Variants in ZC2HC1B observed in about 807,000 individuals in gnomAD.
ZC2HC1B encodes the protein zinc finger C2HC domain-containing protein 1B.
ZC2HC1B carries 36 observed loss-of-function variants against 31.0 expected under a neutral mutation model. The ratio of observed to expected loss-of-function variants is 1.16; its 90% CI spans 0.89 to 1.54. ZC2HC1B has a LOEUF of 1.54. Ranked by LOEUF, ZC2HC1B falls within the 40% of genes most tolerant of loss-of-function variation. ZC2HC1B has a pLI of 0.00. For synonymous variants in ZC2HC1B, 73 were observed against 88.0 expected (o/e 0.83, Z 0.95); for missense variants, 260 against 268.6 (o/e 0.97, Z 0.22).
intron 6 of ZC2HC1B, among the ~76,000 whole-genome samples, chr6:143,930,566 T>C (rs1315735411): frequency 6.6e-6 from 1 of 152,020 alleles, no homozygotes; most frequent in Non-Finnish European, 1.5e-5. Flanking sequence ...TTTTTTTATA[T>C]TTTTAGTAGA....
rs997544852 is a variant in ZC2HC1B at position 143,898,813 on chromosome 6, C to T, written c.489+122C>T. ...AAGTGTAAGCGTGAAGAGAGCTGAT[C>T]ATGATTGCTCACCCCTGTGGGAGCT... On this transcript the variant is annotated intron_variant, in intron 5 of 7. Coordinates refer to ENST00000237275, the MANE Select transcript of ZC2HC1B (RefSeq NM_001013623.3). 4.5e-4 allele frequency: 554 copies of T among 1,243,672 alleles called. 1 individual carries two copies. The highest frequency in any genetic ancestry group is 1.2e-3 in the East Asian group (48 of 38,976). The allele number at this position is 1,243,672 out of a possible 1,614,324, so 77.0% of individuals were successfully genotyped here.
chr6:143,937,771 G>T, intron 7 of ZC2HC1B, 38 bp downstream of exon 7: 2 of 1,464,890 alleles, frequency 1.4e-6, no homozygotes, highest in East Asian at 2.5e-5. Flanking sequence ...AGCTGTTGCT[G>T]ACCAGTTAAT....
intron 1 of ZC2HC1B, among the ~76,000 whole-genome samples, chr6:143,877,444 G>A (rs1360667976): frequency 6.7e-6 from 1 of 148,634 alleles, no homozygotes; most frequent in African/African-American, 2.5e-5. Context: ...CACCACGCCT[G>A]GCTAATTTTT....
intron 6 of ZC2HC1B, among the ~76,000 whole-genome samples, chr6:143,937,089 G>A (rs566324150): frequency 2.0e-5 from 3 of 152,118 alleles, no homozygotes; most frequent in Non-Finnish European, 4.4e-5. Context: ...CCCCTACGAT[G>A]TGGTCAAAAC....
chr6:143,900,564 C>T (rs1777725537), intron 5 of ZC2HC1B, among the ~76,000 whole-genome samples: 1 of 148,988 alleles, frequency 6.7e-6, no homozygotes, highest in Non-Finnish European at 1.5e-5. Flanking sequence ...TTGACAGGTC[C>T]TTGATTAACA....
chr6:143,866,987 C>T (rs577479616), intron 1 of ZC2HC1B, among the ~76,000 whole-genome samples: 2 of 152,238 alleles, frequency 1.3e-5, no homozygotes, highest in Admixed American at 1.3e-4. Flanking sequence ...ACGTTGAGTG[C>T]CAATGTGAGA....
At chr6:143,892,528 A>T (rs1294500278) in intron 4 of ZC2HC1B, among the ~76,000 whole-genome samples, 2 of 151,816 alleles carry the variant, frequency 1.3e-5, no homozygotes, top group African/African-American at 4.8e-5. Context: ...GAATTCCTGA[A>T]CTCAAGCAAT....
chr6:143,881,644 G>A (rs148512380), intron 1 of ZC2HC1B: 28 of 149,396 alleles, frequency 1.9e-4, no homozygotes, highest in Admixed American at 4.0e-4. Flanking sequence ...TTGTTTAACC[G>A]TTCACCTACT....
At chr6:143,912,051 C>A (rs1777867052) in intron 6 of ZC2HC1B, among the ~76,000 whole-genome samples, 1 of 152,086 alleles carries the variant, frequency 6.6e-6, no homozygotes, top group South Asian at 2.1e-4. Flanking sequence ...TCCACATAGT[C>A]TATTCTGCTA....
Position 143,865,886 on chromosome 6 carries a change from T to C in ZC2HC1B, c.28+1319T>C, listed in dbSNP as rs1777253901. Among the ~76,000 whole-genome samples, 1 of 152,108 alleles carries C rather than the reference T, an allele frequency of 6.6e-6. No individual in the cohort carries two copies. The highest frequency in any genetic ancestry group is 1.9e-4 in the East Asian group (1 of 5,178). On this transcript the variant is annotated intron_variant, in intron 1 of 7. Transcript: ENST00000237275. The surrounding 1 kb of genome is among the most constrained non-coding windows in gnomAD (Gnocchi z 4.4). ...GCTGGAGCGCAGTAGTGCGATCTCA[T>C]CTCACTGCAACCTCCAACTCCCGGG...
At chr6:143,937,503 C>A (rs1350724350) in intron 6 of ZC2HC1B, 146 bp from the exon 7 acceptor site, 1 of 515,242 alleles carries the variant, frequency 1.9e-6, no homozygotes, top group East Asian at 3.6e-5. Flanking sequence ...ACCCTCATTG[C>A]CCTCCCCACC....
chr6:143,867,762 T>C (rs1213918085), intron 1 of ZC2HC1B, among the ~76,000 whole-genome samples: 2 of 152,252 alleles, frequency 1.3e-5, no homozygotes, highest in African/African-American at 2.4e-5. Context: ...TTAGTCGTGA[T>C]AGCCGTCAAC....
rs1360359625 is a variant in ZC2HC1B at position 143,924,787 on chromosome 6, A to G, written c.599-12862A>G. 6.6e-6 allele frequency among the ~76,000 whole-genome samples: 1 copy of G among 152,120 alleles called. No individual in the cohort carries two copies. The highest frequency in any genetic ancestry group is 1.5e-5 in the Non-Finnish European group (1 of 68,014). ...AATGATCATATTGTTTTTGTCTTTC[A>G]TTCTGTTGTTGTGAGGTATCACATT... is the stretch of plus-strand genomic sequence containing the variant. On this transcript the variant is annotated intron_variant, in intron 6 of 7. Coordinates refer to ENST00000237275, the MANE Select transcript of ZC2HC1B (RefSeq NM_001013623.3). The surrounding 1 kb of genome is among the most constrained non-coding windows in gnomAD (Gnocchi z 5.2).
At chr6:143,877,877 G>A (rs1170337807) in intron 1 of ZC2HC1B, among the ~76,000 whole-genome samples, 1 of 150,378 alleles carries the variant, frequency 6.6e-6, no homozygotes, top group Non-Finnish European at 1.5e-5. Context: ...TGCCCTGAGG[G>A]TAAGGGTTTG....
rs1319857668 is a variant in ZC2HC1B at position 143,905,740 on chromosome 6, G to T, written c.598+2588G>T. 1.3e-5 allele frequency among the ~76,000 whole-genome samples: 2 copies of T among 151,874 alleles called. No homozygotes were observed. The highest frequency in any genetic ancestry group is 4.8e-5 in the African/African-American group (2 of 41,334). ...TTGAGGTAGTTTCCTTCTATTCTTA[G>T]TTTGTTGAGTGTTTTTATCATGAAA... On this transcript the variant is annotated intron_variant, in intron 6 of 7. Coordinates refer to ENST00000237275, the MANE Select transcript of ZC2HC1B (RefSeq NM_001013623.3). This position sits in a 1 kb window ranked among gnomAD's most constrained non-coding sequence, Gnocchi z 4.2.
chr6:143,926,236 ACTT>A (rs1778040402), intron 6 of ZC2HC1B, among the ~76,000 whole-genome samples: 1 of 152,024 alleles, frequency 6.6e-6, no homozygotes, highest in Non-Finnish European at 1.5e-5. Context: ...AAATGTTTCT[ACTT>A]CTTGATATAC....
rs1382421390 is a variant in ZC2HC1B at position 143,870,784 on chromosome 6, T to C, written c.28+6217T>C. On this transcript the variant is annotated intron_variant, in intron 1 of 7. Transcript: ENST00000237275. The surrounding 1 kb of genome is among the most constrained non-coding windows in gnomAD (Gnocchi z 4.7). ...CCACTGTGATTCACCTTTGGGGGCC[T>C]GCCAAAGGCTCCAAACAGCATCGCC... is the stretch of plus-strand genomic sequence containing the variant. Among the ~76,000 whole-genome samples, 4 of 152,204 alleles carry C rather than the reference T, an allele frequency of 2.6e-5. No homozygotes were observed. Among genetic ancestry groups the C allele is most frequent in the Non-Finnish European group, 5.9e-5 (4 of 68,042 alleles).
intron 6 of ZC2HC1B, among the ~76,000 whole-genome samples, chr6:143,914,099 C>A (rs995109984): frequency 6.6e-6 from 1 of 152,068 alleles, no homozygotes; most frequent in East Asian, 1.9e-4. Flanking sequence ...CTCCGTCTAA[C>A]CTTTATTATC....
chr6:143,881,337 G>A (rs770022326), intron 1 of ZC2HC1B, among the ~76,000 whole-genome samples: 1 of 151,912 alleles, frequency 6.6e-6, no homozygotes, highest in Non-Finnish European at 1.5e-5. Context: ...GACTGCTTGA[G>A]CCCAAGAGTT....
Sources: allele counts gnomAD v4.1 joint callset (sites outside exome capture counted in the v4.1 genomes callset), GRCh38; gene constraint gnomAD v4.1.1; non-coding constraint Gnocchi (gnomAD v3.1); transcripts MANE v1.5; gene names NCBI Gene and HGNC (gene_info 2026-07-23, HGNC 2026-07-21).